Variants in RAB12 observed in about 807,000 individuals in gnomAD.
The protein encoded by RAB12 is ras-related protein Rab-12.
RAB12 carries 11 observed loss-of-function variants against 28.4 expected under a neutral mutation model. That is an observed-to-expected ratio of 0.39 (90% CI 0.24 to 0.64). The LOEUF (loss-of-function observed/expected upper bound fraction) is 0.64. Among genes scored for constraint, RAB12 ranks in the 30% least tolerant of loss-of-function variants. The pLI, the probability that RAB12 is intolerant of heterozygous loss-of-function variation, is 0.50. For synonymous variants in RAB12, 138 were observed against 145.3 expected (o/e 0.95, Z 0.36); for missense variants, 276 against 351.1 (o/e 0.79, Z 1.71).
chr18:8,635,913 A>G, intron 4 of RAB12: 1 of 431,864 alleles, frequency 2.3e-6, no homozygotes, highest in Non-Finnish European at 4.1e-6. Flanking sequence ...AATTTACTTT[A>G]ACGTACTTTA....
At chr18:8,637,766 G>C (rs888202560) in intron 5 of RAB12, among the ~76,000 whole-genome samples, 1 of 152,076 alleles carries the variant, frequency 6.6e-6, no homozygotes, top group Non-Finnish European at 1.5e-5. Flanking sequence ...TAACACATAG[G>C]TTGTATGTTA....
intron 2 of RAB12, among the ~76,000 whole-genome samples, chr18:8,629,076 G>T (rs1287302398): frequency 6.6e-6 from 1 of 152,162 alleles, no homozygotes; most frequent in Non-Finnish European, 1.5e-5. Context: ...TTAAAGAAAT[G>T]GGGAATGTTT....
At chr18:8,628,039 A>G (rs1169180976) in intron 2 of RAB12, among the ~76,000 whole-genome samples, 1 of 152,202 alleles carries the variant, frequency 6.6e-6, no homozygotes, top group Non-Finnish European at 1.5e-5. Context: ...AAATCAGAAT[A>G]AGGTGGCATG....
At chr18:8,629,167 T>G (rs1249684116) in intron 2 of RAB12, among the ~76,000 whole-genome samples, 1 of 152,198 alleles carries the variant, frequency 6.6e-6, no homozygotes, top group East Asian at 1.9e-4. Context: ...AAGCCATAAC[T>G]TGGGAGGATG....
chr18:8,610,426 G>A (rs2096003134), intron 1 of RAB12, among the ~76,000 whole-genome samples: 1 of 152,252 alleles, frequency 6.6e-6, no homozygotes, highest in Non-Finnish European at 1.5e-5. Flanking sequence ...GAAGTTTAAA[G>A]TCACCTATGG....
Position 8,624,007 on chromosome 18 carries a change from CAG to C in RAB12, c.515-930_515-929del, listed in dbSNP as rs914968909. Among the ~76,000 whole-genome samples the C allele has an allele frequency of 8.5e-5, 13 of 152,376 alleles. No homozygotes were observed. The East Asian group carries it at 2.5e-3, about 29-fold the overall frequency. On this transcript the variant is annotated intron_variant, in intron 1 of 5. Transcript: ENST00000649141. ...TCATTGGTGCCCAGAGACGGGCAGT[CAG>C]GGGCATGGCCAGGGCCTTGCCCTCT...
chr18:8,622,776 C>T (rs1010057456), intron 1 of RAB12, among the ~76,000 whole-genome samples: 4 of 152,208 alleles, frequency 2.6e-5, no homozygotes, highest in African/African-American at 9.6e-5. Context: ...GTCTATTCCA[C>T]CCCTACAGCC....
At position 8,638,548 on chromosome 18, in the gene RAB12, A is replaced by G. The variant is rs1306722095; in HGVS notation, c.*286A>G. 1 of 264,114 alleles carries G rather than the reference A, an allele frequency of 3.8e-6. No homozygotes were observed. Among genetic ancestry groups the G allele is most frequent in the African/African-American group, 2.2e-5 (1 of 44,752 alleles). The allele number at this position is 264,114 out of a possible 1,614,324, so 16.4% of individuals were successfully genotyped here. ...AAGAATGGGAGAAATGAAAGGTATA[A>G]TGTTTCTTGAAATAAATAATATAAT... On this transcript the variant is annotated 3_prime_UTR_variant, in exon 6 of 6. Transcript: ENST00000649141.
chr18:8,623,447 T>G (rs1222474495), intron 1 of RAB12, among the ~76,000 whole-genome samples: 2 of 152,230 alleles, frequency 1.3e-5, no homozygotes, highest in Non-Finnish European at 2.9e-5. Context: ...ATGGCAGCAG[T>G]GAAATCCTAA....
chr18:8,636,570 T>C (rs1007501209), intron 5 of RAB12, among the ~76,000 whole-genome samples: 4 of 152,222 alleles, frequency 2.6e-5, no homozygotes, highest in Non-Finnish European at 4.4e-5. Flanking sequence ...GGGGTTGGTA[T>C]ATGGCATACT....
intron 4 of RAB12, 162 bp from the exon 5 acceptor site, chr18:8,636,091 T>C (rs990290028): frequency 1.5e-5 from 9 of 604,040 alleles, no homozygotes; most frequent in Admixed American, 9.2e-5. Flanking sequence ...TTGCTTATAA[T>C]GTAAGAATTT....
In RAB12 at chr18:8,633,325, A is replaced by G. The variant is rs368828799; in HGVS notation, c.712A>G (p.Lys238Glu). 9 of 1,613,868 alleles carry G rather than the reference A, an allele frequency of 5.6e-6. No individual in the cohort carries two copies. Among genetic ancestry groups the G allele is most frequent in the Non-Finnish European group, 3.4e-6 (4 of 1,179,982 alleles). Residue 238 changes from lysine to glutamate, a missense_variant and splice_region_variant, in exon 3 of 6, where the codon AAG becomes GAG. Coordinates refer to ENST00000649141, the MANE Select transcript of RAB12 (RefSeq NM_001025300.3). ...GCCGAAATGGATGAAGATGATTGAT[A>G]AGGTAAATGTTGCATTTTTCTGTCC... is the stretch of plus-strand genomic sequence containing the variant. ...DLPKWMKMID[K>E]YASEDAELLL... is the part of the protein sequence containing the mutation.
Position 8,609,765 on chromosome 18 carries a change from G to A in RAB12, c.326G>A (p.Gly109Asp), listed in dbSNP as rs2096002635. The change falls in exon 1 of 6, where the codon GGC (glycine) becomes GAC (aspartate). Residue 109 changes from glycine (G) to aspartate (D), a missense_variant. Gly to Asp is a moderately conservative substitution (Grantham distance 94). Transcript: ENST00000649141. ...GCCGCGCTGCAGAGGCGGGCCGGGG[G>A]CGGCGGCGGTCTGGGCGCGGGCTCC... ...PGAALQRRAGGGGGLGAGSPA... is the reference protein window; with the variant it reads ...PGAALQRRAGDGGGLGAGSPA... The A allele has an allele frequency of 3.2e-6, 4 of 1,269,084 alleles. No homozygotes were observed. Among genetic ancestry groups the A allele is most frequent in the African/African-American group, 1.6e-5 (1 of 63,598 alleles). The allele number at this position is 1,269,084 out of a possible 1,614,324, so 78.6% of individuals were successfully genotyped here. A position where few individuals can be genotyped will look rare whatever the true frequency, so the allele number is the denominator to read the frequency against.
At position 8,636,369 on chromosome 18, in the gene RAB12, AATCTACAT is replaced by A. The variant is rs778083674; in HGVS notation, c.909+13_909+20del. On this transcript the variant is annotated intron_variant, in intron 5 of 5. Transcript: ENST00000649141. ...ACATTCTGAAAAAGGTAAAAAAAAG[AATCTACAT>A]TATAAAAGTATATCATCTGAAACCT... 1 of 1,444,812 alleles carries A rather than the reference AATCTACAT, an allele frequency of 6.9e-7. No homozygotes were observed. Among genetic ancestry groups the A allele is most frequent in the African/African-American group, 1.4e-5 (1 of 70,736 alleles). 89.5% of individuals were successfully genotyped at this position (1,444,812 alleles called of 1,614,324 possible).
chr18:8,614,395 G>C (rs2096005559), intron 1 of RAB12, among the ~76,000 whole-genome samples: 1 of 151,332 alleles, frequency 6.6e-6, no homozygotes, highest in South Asian at 2.1e-4. Context: ...AGAAGTCAAA[G>C]AAAGGCAATC....
intron 2 of RAB12, among the ~76,000 whole-genome samples, chr18:8,626,037 C>G (rs1354443210): frequency 6.6e-6 from 1 of 152,306 alleles, no homozygotes; most frequent in East Asian, 1.9e-4. Flanking sequence ...TAACACACTT[C>G]TAAGATTTTT....
chr18:8,627,510 C>G (rs1366445181), intron 2 of RAB12, among the ~76,000 whole-genome samples: 4 of 152,268 alleles, frequency 2.6e-5, no homozygotes, highest in Admixed American at 2.6e-4. Flanking sequence ...TACCTGTGGT[C>G]AGAAAAAGGA....
chr18:8,617,293 A>T (rs1333117412), intron 1 of RAB12, among the ~76,000 whole-genome samples: 5 of 152,232 alleles, frequency 3.3e-5, no homozygotes, highest in African/African-American at 7.2e-5. Flanking sequence ...ACACACTGAT[A>T]TATACAGATG....
intron 2 of RAB12, among the ~76,000 whole-genome samples, chr18:8,628,667 G>T (rs1369732929): frequency 6.6e-6 from 1 of 152,202 alleles, no homozygotes; most frequent in African/African-American, 2.4e-5. Context: ...CTTAAAGTCA[G>T]TAGAGGCAGC....
Sources: gnomAD v4.1 joint callset for allele counts (sites outside exome capture counted in the v4.1 genomes callset) on GRCh38, gnomAD v4.1.1 for gene constraint, MANE v1.5 for transcripts, NCBI Gene and HGNC (gene_info 2026-07-23, HGNC 2026-07-21) for gene names.